The following ROCK1 variants were observed in gnomAD, a reference collection of about 807,000 sequenced individuals.
ROCK1 encodes Rho associated coiled-coil containing protein kinase 1, also known as rho-associated protein kinase 1.
ROCK1 carries 36 observed loss-of-function variants against 196.8 expected under a neutral mutation model. The observed-to-expected ratio is 0.18, with a 90% CI of 0.14 to 0.24. ROCK1 has a LOEUF of 0.24. ROCK1 is among the 10% of genes least tolerant of loss of function. The pLI is 1.00. For synonymous variants in ROCK1, 443 were observed against 515.9 expected, an observed-to-expected ratio of 0.86 and a Z score of 1.91; for missense variants, 920 against 1,562.0, an observed-to-expected ratio of 0.59 and a Z score of 6.93.
At chr18:21,050,931 G>C (rs1205937981) in intron 2 of ROCK1, among the ~76,000 whole-genome samples, 2 of 152,126 alleles carry the variant, frequency 1.3e-5, no homozygotes, top group African/African-American at 4.8e-5. Flanking sequence ...TTAAAATGTA[G>C]TTCCTATTCT....
At position 21,094,606 on chromosome 18, in the gene ROCK1, G is replaced by A. The variant is rs116566954; in HGVS notation, c.93+16212C>T. Among the ~76,000 whole-genome samples the A allele has an allele frequency of 7.4e-3, 1,113 of 150,318 alleles. 16 individuals are homozygous for A. The highest frequency in any genetic ancestry group is 0.026 in the African/African-American group (1,042 of 40,804). On this transcript the variant is annotated intron_variant, in intron 1 of 32. Coordinates refer to ENST00000399799, the MANE Select transcript of ROCK1 (RefSeq NM_005406.3). ...AGAAAAAAAAATACAAACATTGGCC[G>A]GGCATGGTGGCACGCACCTGTAGTC...
intron 1 of ROCK1, among the ~76,000 whole-genome samples, chr18:21,087,816 T>C (rs542574027): frequency 1.8e-4 from 27 of 152,344 alleles, no homozygotes; most frequent in African/African-American, 4.6e-4. Context: ...CAAGATCTAA[T>C]TGACATTTAT....
chr18:20,961,514 C>G (rs1327398328), intron 27 of ROCK1, among the ~76,000 whole-genome samples: 2 of 152,176 alleles, frequency 1.3e-5, no homozygotes, highest in Non-Finnish European at 2.9e-5. Flanking sequence ...TAAGGCTTAG[C>G]AGGGTAAACG....
At chr18:20,996,223 A>G (rs2035669053) in intron 16 of ROCK1, among the ~76,000 whole-genome samples, 2 of 152,194 alleles carry the variant, frequency 1.3e-5, no homozygotes, top group South Asian at 2.1e-4. Context: ...AAAGACTGAA[A>G]TAAGTACAAA....
At chr18:21,048,723 T>C (rs563281152) in intron 4 of ROCK1, among the ~76,000 whole-genome samples, 49 of 152,126 alleles carry the variant, frequency 3.2e-4, no homozygotes, top group African/African-American at 1.2e-3. Context: ...ATAATTTTTT[T>C]AATTTTTTGT....
At chr18:21,083,989 CAATT>C (rs1431196177) in intron 1 of ROCK1, among the ~76,000 whole-genome samples, 1 of 152,070 alleles carries the variant, frequency 6.6e-6, no homozygotes, top group Non-Finnish European at 1.5e-5. Flanking sequence ...TACATATGGT[CAATT>C]AATTTCAACA....
In ROCK1 at chr18:20,991,232, GCTTTGGTTA is replaced by G; in HGVS notation, c.2078_2086del (p.Val693_Lys695del). 1.2e-6 allele frequency: 2 copies of G among 1,613,196 alleles called. No homozygotes were observed. The highest frequency in any genetic ancestry group is 1.7e-6 in the Non-Finnish European group (2 of 1,179,566). ...AGATTGATGTTTGTCAGTTAAACGA[GCTTTGGTTA>G]CTTTGTGTTCATTTACCTCTTGTTC... On this transcript the variant is annotated inframe_deletion, in exon 18 of 33. Transcript: ENST00000399799.
At chr18:20,999,507 T>C (rs1327166893) in intron 16 of ROCK1, among the ~76,000 whole-genome samples, 1 of 152,148 alleles carries the variant, frequency 6.6e-6, no homozygotes, top group East Asian at 1.9e-4. Flanking sequence ...GCTAACATCA[T>C]ACTCAATGAA....
At chr18:21,037,796 AAG>A (rs1037988958) in intron 9 of ROCK1, among the ~76,000 whole-genome samples, 1 of 152,128 alleles carries the variant, frequency 6.6e-6, no homozygotes, top group Non-Finnish European at 1.5e-5. Context: ...AGAAGGGAGA[AAG>A]AAAACTTTTG....
intron 9 of ROCK1, among the ~76,000 whole-genome samples, chr18:21,035,665 T>C (rs960661890): frequency 6.6e-6 from 1 of 152,196 alleles, no homozygotes; most frequent in African/African-American, 2.4e-5. Context: ...TGTTTGTTAT[T>C]CACAATAGCT....
chr18:21,015,369 C>T (rs547619926), intron 13 of ROCK1, 62 bp downstream of exon 13: 18 of 1,105,826 alleles, frequency 1.6e-5, no homozygotes, highest in South Asian at 5.3e-5. Context: ...TCTCAGGAAA[C>T]GAAACAATTT....
intron 29 of ROCK1, among the ~76,000 whole-genome samples, chr18:20,956,073 A>C (rs1223810041): frequency 6.6e-6 from 1 of 152,122 alleles, no homozygotes; most frequent in Non-Finnish European, 1.5e-5. Context: ...TTGGAAAGAA[A>C]GGAGTAAAAC....
chr18:21,043,568 T>C (rs375946680), intron 6 of ROCK1, among the ~76,000 whole-genome samples: 3 of 137,000 alleles, frequency 2.2e-5, no homozygotes, highest in East Asian at 3.9e-4. Flanking sequence ...TATATACATA[T>C]ACATAATGTA....
chr18:21,014,109 T>C (rs1380612715), intron 13 of ROCK1, among the ~76,000 whole-genome samples: 2 of 147,236 alleles, frequency 1.4e-5, no homozygotes, highest in East Asian at 4.1e-4. Context: ...CGTTTTTCTG[T>C]GGTGTTTGGC....
chr18:21,085,772 C>T (rs950292063), intron 1 of ROCK1, among the ~76,000 whole-genome samples: 2 of 152,154 alleles, frequency 1.3e-5, no homozygotes, highest in Admixed American at 1.3e-4. Context: ...AACCCATCAC[C>T]ACCTCAATGT....
At chr18:21,074,619 A>C (rs2036413821) in intron 1 of ROCK1, among the ~76,000 whole-genome samples, 1 of 152,200 alleles carries the variant, frequency 6.6e-6, no homozygotes, top group East Asian at 1.9e-4. Flanking sequence ...TGCCTTCCCC[A>C]GTGCCCTGAG....
At chr18:21,066,525 C>A (rs185718240) in intron 2 of ROCK1, among the ~76,000 whole-genome samples, 2 of 152,270 alleles carry the variant, frequency 1.3e-5, no homozygotes, top group East Asian at 3.9e-4. Context: ...CAATGCATTT[C>A]TGACTAACAC....
intron 2 of ROCK1, among the ~76,000 whole-genome samples, chr18:21,056,683 C>T (rs577355804): frequency 6.6e-6 from 1 of 152,304 alleles, no homozygotes; most frequent in East Asian, 1.9e-4. Flanking sequence ...GTCTTGCCAT[C>T]TCACCCAGAG....
At chr18:21,060,401 T>C (rs2143534791) in intron 2 of ROCK1, among the ~76,000 whole-genome samples, 1 of 152,316 alleles carries the variant, frequency 6.6e-6, no homozygotes, top group South Asian at 2.1e-4. Flanking sequence ...GAAACTCTCA[T>C]TCATTGTTGG....
Sources: allele counts gnomAD v4.1 joint callset (sites outside exome capture counted in the v4.1 genomes callset), GRCh38; gene constraint gnomAD v4.1.1; transcripts MANE v1.5; gene names NCBI Gene and HGNC (gene_info 2026-07-23, HGNC 2026-07-21).